DISC1: variants seen among roughly 807,000 people sequenced by gnomAD.
DISC1 encodes DISC1 scaffold protein.
DISC1 carries 57 observed loss-of-function variants against 84.5 expected under a neutral mutation model. The observed-to-expected ratio is 0.67, with a 90% CI of 0.55 to 0.84. The LOEUF is 0.84. Ranked by LOEUF, DISC1 falls within the 40% of genes least tolerant of loss-of-function variation. The probability of loss-of-function intolerance (pLI) is 0.00; values close to 1 mark genes in which losing one functional copy is unlikely to be tolerated. For missense variants in DISC1, 1,000 were observed against 1,057.8 expected (o/e 0.95, Z 0.76); for synonymous variants, 411 against 415.2 (o/e 0.99, Z 0.12).
chr1:231,912,349 A>G (rs1220978586), intron 9 of DISC1, among the ~76,000 whole-genome samples: 3 of 152,152 alleles, frequency 2.0e-5, no homozygotes, highest in Non-Finnish European at 4.4e-5. Flanking sequence ...TGATGTACAG[A>G]TGGGGTTTTG....
chr1:231,762,718 T>C (rs941058413), intron 4 of DISC1, among the ~76,000 whole-genome samples: 4 of 151,870 alleles, frequency 2.6e-5, no homozygotes, highest in African/African-American at 7.3e-5. Context: ...ATACAAACAT[T>C]GAGATCCTGG....
chr1:231,968,646 C>G (rs1223530428), intron 10 of DISC1, among the ~76,000 whole-genome samples: 1 of 150,564 alleles, frequency 6.6e-6, no homozygotes, highest in Non-Finnish European at 1.5e-5. Flanking sequence ...CACACACACA[C>G]AAAAACCTGT....
At chr1:231,921,073 A>G (rs866058131) in intron 9 of DISC1, among the ~76,000 whole-genome samples, 2 of 142,160 alleles carry the variant, frequency 1.4e-5, no homozygotes, top group Non-Finnish European at 3.1e-5. Context: ...AGCCTGGCTA[A>G]TTTTTTTTTT....
At chr1:231,777,702 G>A (rs114904600) in intron 6 of DISC1, among the ~76,000 whole-genome samples, 2,387 of 152,278 alleles carry the variant, frequency 0.016, 47 homozygotes, top group African/African-American at 0.053. Flanking sequence ...CTGCAGGTGT[G>A]CCCTCTCCAC....
intron 3 of DISC1, among the ~76,000 whole-genome samples, chr1:231,713,616 A>G (rs2068157976): frequency 6.6e-6 from 1 of 150,772 alleles, no homozygotes; most frequent in African/African-American, 2.4e-5. Context: ...TTTAAAGAGC[A>G]GAACGCAAAA....
chr1:231,815,376 G>A (rs1447856252), intron 8 of DISC1, among the ~76,000 whole-genome samples: 1 of 152,084 alleles, frequency 6.6e-6, no homozygotes, highest in East Asian at 1.9e-4. Context: ...TTCTACCATG[G>A]ATTAATTTTG....
intron 11 of DISC1, among the ~76,000 whole-genome samples, chr1:232,014,159 A>G (rs913729): frequency 3.3e-5 from 5 of 152,296 alleles, no homozygotes; most frequent in South Asian, 2.1e-4. Flanking sequence ...ACTGATTTCT[A>G]TATCTAGAAA....
Position 231,626,892 on chromosome 1 carries a change from G to GCCCCAGC in DISC1, c.27_33dup (p.Ala12ProfsTer80). The GCCCCAGC allele has an allele frequency of 6.7e-7, 1 of 1,498,100 alleles. No individual in the cohort carries two copies. The highest frequency in any genetic ancestry group is 1.2e-5 in the South Asian group (1 of 80,600). The allele number at this position is 1,498,100 out of a possible 1,614,324, so 92.8% of individuals were successfully genotyped here. The stretch of plus-strand genomic sequence containing the variant: ...CATGCCAGGCGGGGGTCCTCAGGGC[G>GCCCCAGC]CCCCAGCCGCCGCCGGCGGCGGCGG... On this transcript the variant is annotated frameshift_variant, in exon 1 of 13. Coordinates refer to ENST00000439617, the MANE Select transcript of DISC1 (RefSeq NM_018662.3). LOFTEE classifies it high-confidence loss of function.
At chr1:231,919,201 A>G (rs1331385177) in intron 9 of DISC1, among the ~76,000 whole-genome samples, 1 of 152,210 alleles carries the variant, frequency 6.6e-6, no homozygotes, top group Non-Finnish European at 1.5e-5. Flanking sequence ...TATAATTTAT[A>G]CCAGCTCAGT....
intron 10 of DISC1, among the ~76,000 whole-genome samples, chr1:231,970,285 C>T (rs1012342035): frequency 5.3e-5 from 8 of 152,176 alleles, no homozygotes; most frequent in Non-Finnish European, 1.0e-4. Flanking sequence ...TTTTAATGAT[C>T]GCCATTCTAA....
intron 9 of DISC1, among the ~76,000 whole-genome samples, chr1:231,908,842 T>G (rs1230197679): frequency 6.6e-6 from 1 of 152,188 alleles, no homozygotes. Context: ...CTCTTTTATT[T>G]TGTTGAGCAG....
intron 9 of DISC1, among the ~76,000 whole-genome samples, chr1:231,827,789 G>A (rs775910550): frequency 6.6e-6 from 1 of 152,098 alleles, no homozygotes; most frequent in Non-Finnish European, 1.5e-5. Context: ...CTGTAACTGG[G>A]GAGGGCTGGA....
At chr1:231,763,279 G>A (rs1006454629) in intron 4 of DISC1, among the ~76,000 whole-genome samples, 2 of 152,160 alleles carry the variant, frequency 1.3e-5, no homozygotes, top group Non-Finnish European at 2.9e-5. Context: ...CAGCAAAACC[G>A]GTATAATAGC....
chr1:231,834,811 C>G (rs2082510252), intron 9 of DISC1, among the ~76,000 whole-genome samples: 1 of 152,072 alleles, frequency 6.6e-6, no homozygotes, highest in South Asian at 2.1e-4. Flanking sequence ...GGTGAAGGAC[C>G]AAGGCAGGCG....
At chr1:231,949,876 G>T (rs1658002387) in intron 9 of DISC1, among the ~76,000 whole-genome samples, 1 of 152,208 alleles carries the variant, frequency 6.6e-6, no homozygotes, top group African/African-American at 2.4e-5. Flanking sequence ...CAACAATATT[G>T]TGTATTTGTA....
At chr1:231,674,646 A>C (rs951000315) in intron 1 of DISC1, among the ~76,000 whole-genome samples, 1 of 152,244 alleles carries the variant, frequency 6.6e-6, no homozygotes, top group Non-Finnish European at 1.5e-5. Flanking sequence ...TCTGCAGTAC[A>C]TTGAAGCACT....
intron 9 of DISC1, among the ~76,000 whole-genome samples, chr1:231,875,346 C>T (rs1008342112): frequency 1.1e-4 from 17 of 152,058 alleles, no homozygotes; most frequent in African/African-American, 3.6e-4. Context: ...CAGCCCCCGG[C>T]CCTGGTGAGT....
chr1:231,772,249 C>G (rs1430654148), intron 6 of DISC1, among the ~76,000 whole-genome samples: 2 of 152,170 alleles, frequency 1.3e-5, no homozygotes, highest in African/African-American at 4.8e-5. Flanking sequence ...AGCCATTGCA[C>G]CCAATCTTTC....
At chr1:232,021,276 C>T (rs1348214961) in intron 11 of DISC1, among the ~76,000 whole-genome samples, 5 of 152,052 alleles carry the variant, frequency 3.3e-5, no homozygotes, top group Admixed American at 3.3e-4. Context: ...ATGTTGGACT[C>T]ACTGTGGTAT....
Sources: allele counts gnomAD v4.1 joint callset (sites outside exome capture counted in the v4.1 genomes callset), GRCh38; gene constraint gnomAD v4.1.1; transcripts MANE v1.5; gene names NCBI Gene and HGNC (gene_info 2026-07-23, HGNC 2026-07-21).